PIP5K1C: variants seen among roughly 807,000 people sequenced by gnomAD.
PIP5K1C encodes the protein phosphatidylinositol 4-phosphate 5-kinase type-1 gamma.
Under a neutral mutation model 80.1 loss-of-function variants are expected in PIP5K1C, and 45 were observed. That is an observed-to-expected ratio of 0.56 (90% confidence interval 0.44 to 0.72). The LOEUF (loss-of-function observed/expected upper bound fraction) is 0.72. PIP5K1C is among the 30% of genes least tolerant of loss of function. PIP5K1C has a pLI of 0.00. For missense variants in PIP5K1C, 753 were observed against 954.6 expected, an observed-to-expected ratio of 0.79 and a Z score of 2.78; for synonymous variants, 498 against 420.1, an observed-to-expected ratio of 1.19 and a Z score of -2.27.
chr19:3,647,466 C>T, intron 9 of PIP5K1C, 80 bp from the exon 10 acceptor site: 17 of 1,185,180 alleles, frequency 1.4e-5, no homozygotes, highest in Non-Finnish European at 1.6e-5. Context: ...CCACTGTGCA[C>T]CCCCCAGGAC....
chr19:3,653,238 C>T, intron 7 of PIP5K1C, 52 bp downstream of exon 7: 2 of 1,561,934 alleles, frequency 1.3e-6, no homozygotes, highest in Admixed American at 1.7e-5. Flanking sequence ...CGAGCCCTCA[C>T]CACGCAGTCC....
intron 16 of PIP5K1C, among the ~76,000 whole-genome samples, chr19:3,634,060 G>A (rs1568304898): frequency 6.6e-6 from 1 of 152,036 alleles, no homozygotes; most frequent in African/African-American, 2.4e-5. Flanking sequence ...AGACGTGCTA[G>A]GAGAGACTGA....
rs1162236505 is a variant in PIP5K1C at position 3,642,942 on chromosome 19, G to A, written c.1650-3C>T. 1.9e-6 allele frequency: 3 copies of A among 1,613,496 alleles called. No homozygotes were observed. The highest frequency in any genetic ancestry group is 1.7e-5 in the Admixed American group (1 of 60,010). ...GTCCAGACGACTGTGTGCGCCGCCT[G>A]CAGAGATACAGCAAACACGTGACAC... is the stretch of plus-strand genomic sequence containing the variant. On this transcript the variant is annotated splice_region_variant and splice_polypyrimidine_tract_variant and intron_variant, in intron 13 of 17. Transcript: ENST00000335312.
chr19:3,652,074 C>G (rs1223228711), intron 7 of PIP5K1C, 43 bp from the exon 8 acceptor site: 1 of 1,592,440 alleles, frequency 6.3e-7, no homozygotes, highest in South Asian at 1.1e-5. Flanking sequence ...TCAGCCGTCT[C>G]TATCCCCCAC....
Position 3,652,088 on chromosome 19 carries a change from G to T in PIP5K1C, c.922-57C>A, listed in dbSNP as rs747626164. On this transcript the variant is annotated intron_variant, in intron 7 of 17. Transcript: ENST00000335312. ...GTCAGCCGTCTCTATCCCCCACAAC[G>T]GCTCCCGGACCCTATGGGGTTCCCA... 6 of 1,553,610 alleles carry T rather than the reference G, an allele frequency of 3.9e-6. No individual in the cohort carries two copies. In the East Asian group the frequency reaches 1.1e-4, roughly 29 times the overall value.
At chr19:3,666,375 G>A (rs1207984155) in intron 2 of PIP5K1C, among the ~76,000 whole-genome samples, 1 of 152,264 alleles carries the variant, frequency 6.6e-6, no homozygotes, top group Non-Finnish European at 1.5e-5. Flanking sequence ...GGGGCTGGCA[G>A]AAGCTGCAAA....
intron 1 of PIP5K1C, among the ~76,000 whole-genome samples, chr19:3,679,818 T>C (rs574639996): frequency 2.4e-4 from 37 of 152,362 alleles, no homozygotes; most frequent in Non-Finnish European, 4.4e-4. Context: ...TGGATGTGGC[T>C]TGACGTGCTG....
rs577251508 is a variant in PIP5K1C at position 3,647,867 on chromosome 19, G to A, written c.1212-481C>T. Among the ~76,000 whole-genome samples, 24 of 152,304 alleles carry A rather than the reference G, an allele frequency of 1.6e-4. No homozygotes were observed. The South Asian group carries it at 3.7e-3, about 24-fold the overall frequency. Reference sequence around the variant, plus strand: ...GAGGCTGGGGCAGGAGAATAGGGTCGACTCAGAAGGCAGAGGTTGCAGTGA... The same window carrying A: ...GAGGCTGGGGCAGGAGAATAGGGTCAACTCAGAAGGCAGAGGTTGCAGTGA... On this transcript the variant is annotated intron_variant, in intron 9 of 17. Coordinates refer to ENST00000335312, the MANE Select transcript of PIP5K1C (RefSeq NM_012398.3).
intron 15 of PIP5K1C, among the ~76,000 whole-genome samples, chr19:3,639,891 G>A (rs2145387854): frequency 6.6e-6 from 1 of 152,334 alleles, no homozygotes; most frequent in Non-Finnish European, 1.5e-5. Context: ...CCTTGGCCTT[G>A]GCTATGGCCA....
chr19:3,638,736 T>C (rs2033815331), intron 16 of PIP5K1C, 148 bp downstream of exon 16: 1 of 1,030,854 alleles, frequency 9.7e-7, no homozygotes, highest in Admixed American at 1.7e-5. Flanking sequence ...GTGAGAGTGC[T>C]GGCTGGTGAG....
chr19:3,642,611 G>C (rs1359401403), intron 14 of PIP5K1C, among the ~76,000 whole-genome samples: 1 of 152,184 alleles, frequency 6.6e-6, no homozygotes, highest in African/African-American at 2.4e-5. Context: ...GCCGTGGGCA[G>C]GAGGGGGCGC....
intron 14 of PIP5K1C, 45 bp from the exon 15 acceptor site, chr19:3,641,854 C>T: frequency 6.8e-7 from 1 of 1,477,184 alleles, no homozygotes; most frequent in South Asian, 1.1e-5. Flanking sequence ...TCCTCACTTC[C>T]CCCATCCTAC....
chr19:3,651,986 C>A lies in PIP5K1C; in HGVS notation c.967G>T (p.Val323Leu). The A allele has an allele frequency of 6.2e-7, 1 of 1,613,174 alleles. No individual in the cohort carries two copies. Among genetic ancestry groups the A allele is most frequent in the Non-Finnish European group, 8.5e-7 (1 of 1,179,988 alleles). Reference sequence around the variant, plus strand: ...CGCTCGTGCTGGTCGATGTTGTGCACGCCCAGCAGCAGGCTGTAGTCCATG... The same window carrying A: ...CGCTCGTGCTGGTCGATGTTGTGCAAGCCCAGCAGCAGGCTGTAGTCCATG... ...KIMDYSLLLGVHNIDQHERER... is the reference protein window; with the variant it reads ...KIMDYSLLLGLHNIDQHERER... The change falls in exon 8 of 18, where the codon GTG (valine) becomes TTG (leucine). Residue 323 changes from valine (V) to leucine (L), a missense_variant. Physicochemically the swap from Val to Leu is conservative, Grantham distance 32 (BLOSUM62 1). Coordinates refer to ENST00000335312, the MANE Select transcript of PIP5K1C (RefSeq NM_012398.3).
At chr19:3,660,838 G>A (rs370265670) in intron 5 of PIP5K1C, 128 bp downstream of exon 5, 9 of 744,748 alleles carry the variant, frequency 1.2e-5, no homozygotes, top group African/African-American at 1.0e-4. Context: ...CTCCGGCCCT[G>A]AACCTGACCA....
In PIP5K1C at chr19:3,688,081, G is replaced by A. The variant is rs560671263; in HGVS notation, c.94+12216C>T. Among the ~76,000 whole-genome samples, 1 of 152,266 alleles carries A rather than the reference G, an allele frequency of 6.6e-6. No individual in the cohort carries two copies. The highest frequency in any genetic ancestry group is 2.1e-4 in the South Asian group (1 of 4,832). On this transcript the variant is annotated intron_variant, in intron 1 of 17. Transcript: ENST00000335312. The surrounding 1 kb of genome is among the most constrained non-coding windows in gnomAD (Gnocchi z 5.3). ...TGCACAGAGCACACGCCAGCCCCTGGGGGAAGCCCGGCCCGTGCGGGCTGC... is the reference window on the plus strand; with the variant it reads ...TGCACAGAGCACACGCCAGCCCCTGAGGGAAGCCCGGCCCGTGCGGGCTGC...
intron 1 of PIP5K1C, among the ~76,000 whole-genome samples, chr19:3,676,576 C>T (rs2035367197): frequency 6.6e-6 from 1 of 152,354 alleles, no homozygotes; most frequent in African/African-American, 2.4e-5. Context: ...CGGCGCGTGG[C>T]CAGGAGGCGC....
At chr19:3,641,106 TCAGGAGGCTGAGG>T (rs897862412) in intron 15 of PIP5K1C, among the ~76,000 whole-genome samples, 3 of 151,792 alleles carry the variant, frequency 2.0e-5, no homozygotes, top group Non-Finnish European at 4.4e-5. Context: ...TCCCAGCTAC[TCAGGAGGCTGAGG>T]CAGGAGAATC....
intron 1 of PIP5K1C, among the ~76,000 whole-genome samples, chr19:3,699,053 G>A (rs887874393): frequency 6.6e-6 from 1 of 151,750 alleles, no homozygotes; most frequent in African/African-American, 2.4e-5. Context: ...TGGTCGCGGT[G>A]TGGTTTTCTT....
At chr19:3,665,350 CA>C (rs2034973040) in intron 2 of PIP5K1C, among the ~76,000 whole-genome samples, 1 of 152,182 alleles carries the variant, frequency 6.6e-6, no homozygotes, top group African/African-American at 2.4e-5. Context: ...CCAGTTGTGG[CA>C]ACCACAGATG....
Sources: allele counts gnomAD v4.1 joint callset (sites outside exome capture counted in the v4.1 genomes callset), GRCh38; gene constraint gnomAD v4.1.1; non-coding constraint Gnocchi (gnomAD v3.1); transcripts MANE v1.5; gene names NCBI Gene and HGNC (gene_info 2026-07-23, HGNC 2026-07-21).